Variants in ME1 observed in about 807,000 individuals in gnomAD.
ME1 encodes the protein malic enzyme 1.
A neutral mutation model predicts 66.4 loss-of-function variants in ME1; 74 were observed. The ratio of observed to expected loss-of-function variants is 1.11; its 90% CI spans 0.92 to 1.35. The LOEUF (loss-of-function observed/expected upper bound fraction) is 1.35, where lower values mean the gene tolerates loss of function less well. Among genes scored for constraint, ME1 ranks in the 40% most tolerant of loss-of-function variants. ME1 has a pLI of 0.00. For missense variants in ME1, 750 were observed against 694.1 expected (o/e 1.08, Z -0.90); for synonymous variants, 251 against 235.6 (o/e 1.07, Z -0.60).
chr6:83,266,836 T>A (rs1313288423), intron 6 of ME1, among the ~76,000 whole-genome samples: 1 of 152,118 alleles, frequency 6.6e-6, no homozygotes, highest in African/African-American at 2.4e-5. Context: ...ACTGGCAGAG[T>A]CTCTGCTTCA....
chr6:83,309,990 C>T (rs1767900783), intron 6 of ME1, among the ~76,000 whole-genome samples: 1 of 152,140 alleles, frequency 6.6e-6, no homozygotes, highest in South Asian at 2.1e-4. Context: ...TGTAGAATTA[C>T]TAGGCCCAAT....
intron 1 of ME1, among the ~76,000 whole-genome samples, chr6:83,418,235 T>C (rs944230679): frequency 2.0e-5 from 3 of 152,128 alleles, no homozygotes; most frequent in East Asian, 1.9e-4. Flanking sequence ...ATGAGAGAAA[T>C]AGTATAATTG....
intron 3 of ME1, among the ~76,000 whole-genome samples, chr6:83,356,660 GA>G (rs1428803528): frequency 1.3e-5 from 2 of 152,054 alleles, no homozygotes; most frequent in African/African-American, 4.8e-5. Context: ...AAGTCAAGGG[GA>G]AAAAATGTTA....
chr6:83,364,899 A>T (rs1317246017), intron 3 of ME1, among the ~76,000 whole-genome samples: 1 of 152,120 alleles, frequency 6.6e-6, no homozygotes, highest in African/African-American at 2.4e-5. Context: ...GAATGAAACC[A>T]ACTGCCTCCC....
At chr6:83,395,993 T>C (rs1769724236) in intron 3 of ME1, among the ~76,000 whole-genome samples, 1 of 152,098 alleles carries the variant, frequency 6.6e-6, no homozygotes, top group Non-Finnish European at 1.5e-5. Flanking sequence ...AAAATCAACA[T>C]ATAAAAGTCA....
chr6:83,352,354 G>C (rs1404342068), intron 3 of ME1, among the ~76,000 whole-genome samples: 1 of 150,440 alleles, frequency 6.6e-6, no homozygotes, highest in African/African-American at 2.4e-5. Flanking sequence ...CTACAATAAA[G>C]GGAGATTTGT....
chr6:83,405,725 T>G (rs192799925), intron 2 of ME1, among the ~76,000 whole-genome samples: 14,086 of 133,466 alleles, frequency 0.11, 804 homozygotes, highest in Non-Finnish European at 0.16. Context: ...TGTTGTTGTT[T>G]TTTTTTTTTT....
At position 83,382,593 on chromosome 6, in the gene ME1, T is replaced by G. The variant is rs531986014; in HGVS notation, c.362+15774A>C. The stretch of plus-strand genomic sequence containing the variant: ...AATTAAGCTCCTCTGAAAAGCAATA[T>G]ATGAAACTCTTCACAAGTAAACACT... On this transcript the variant is annotated intron_variant, in intron 3 of 13. Coordinates refer to ENST00000369705, the MANE Select transcript of ME1 (RefSeq NM_002395.6). Among the ~76,000 whole-genome samples the G allele has an allele frequency of 2.0e-5, 3 of 152,216 alleles. No individual in the cohort carries two copies. The East Asian group carries it at 5.8e-4, about 29-fold the overall frequency.
chr6:83,214,874 T>G (rs187241529), intron 13 of ME1, among the ~76,000 whole-genome samples: 38 of 152,292 alleles, frequency 2.5e-4, no homozygotes, highest in Admixed American at 1.7e-3. Context: ...TTTCTGTGTA[T>G]GCACTCTGTA....
intron 6 of ME1, among the ~76,000 whole-genome samples, chr6:83,296,863 AT>A (rs766054443): frequency 2.6e-5 from 4 of 151,886 alleles, no homozygotes; most frequent in African/African-American, 4.8e-5. Context: ...TGTATTAAAC[AT>A]CTTTAGGGTG....
intron 3 of ME1, among the ~76,000 whole-genome samples, chr6:83,384,116 A>T (rs13212145): frequency 0.11 from 16,624 of 151,836 alleles, 1,271 homozygotes; most frequent in Middle Eastern, 0.18. Flanking sequence ...TATTGTGAAT[A>T]ATGCTACAAC....
chr6:83,392,679 C>T (rs1769644859), intron 3 of ME1: 8 of 600,788 alleles, frequency 1.3e-5, no homozygotes, highest in Non-Finnish European at 2.5e-5. Flanking sequence ...TCAAATGGGG[C>T]AATGCTGGCA....
intron 6 of ME1, among the ~76,000 whole-genome samples, chr6:83,296,570 G>A (rs1562472883): frequency 2.0e-5 from 3 of 152,154 alleles, no homozygotes; most frequent in African/African-American, 4.8e-5. Context: ...CATGCTGAAT[G>A]GGTAAAAGCT....
chr6:83,343,778 C>T (rs1043240127), intron 5 of ME1, among the ~76,000 whole-genome samples: 5 of 152,032 alleles, frequency 3.3e-5, no homozygotes, highest in African/African-American at 1.2e-4. Context: ...GAAACATACA[C>T]TAAACAGAGA....
At chr6:83,228,981 G>T (rs756317033) in intron 9 of ME1, 50 bp from the exon 10 acceptor site, 1 of 1,251,830 alleles carries the variant, frequency 8.0e-7, no homozygotes, top group Non-Finnish European at 1.1e-6. Flanking sequence ...ACATGTGAGG[G>T]TCAATAAATT....
intron 1 of ME1, among the ~76,000 whole-genome samples, chr6:83,426,251 G>A (rs926799652): frequency 6.6e-6 from 1 of 152,116 alleles, no homozygotes; most frequent in African/African-American, 2.4e-5. Context: ...AGCTGAAAAA[G>A]GCAAAATCTC....
At chr6:83,368,809 T>A (rs763324611) in intron 3 of ME1, among the ~76,000 whole-genome samples, 2 of 152,098 alleles carry the variant, frequency 1.3e-5, no homozygotes, top group Non-Finnish European at 2.9e-5. Context: ...GACTCAGTAA[T>A]TTAGAGATAA....
chr6:83,304,575 T>C (rs1429084502), intron 6 of ME1, among the ~76,000 whole-genome samples: 2 of 152,202 alleles, frequency 1.3e-5, no homozygotes, highest in South Asian at 2.1e-4. Flanking sequence ...CAGAATATGA[T>C]ATTATTTTCA....
At chr6:83,240,062 T>G (rs1790482533) in intron 7 of ME1, among the ~76,000 whole-genome samples, 1 of 152,084 alleles carries the variant, frequency 6.6e-6, no homozygotes. Context: ...TTCTTCCGTC[T>G]AATTACTCTT....
Sources: allele counts gnomAD v4.1 joint callset (sites outside exome capture counted in the v4.1 genomes callset), GRCh38; gene constraint gnomAD v4.1.1; transcripts MANE v1.5; gene names NCBI Gene and HGNC (gene_info 2026-07-23, HGNC 2026-07-21).